Variants in CMSS1 observed in about 807,000 individuals in gnomAD.
CMSS1 encodes protein CMSS1.
CMSS1 carries 33 observed loss-of-function variants against 43.5 expected under a neutral mutation model. The observed-to-expected ratio is 0.76, with a 90% confidence interval of 0.57 to 1.01. CMSS1 has a LOEUF of 1.01. CMSS1 is among the 50% of genes least tolerant of loss of function. The probability of loss-of-function intolerance (pLI) is 0.00; values close to 1 mark genes in which losing one functional copy is unlikely to be tolerated. For missense variants in CMSS1, 313 were observed against 326.4 expected (o/e 0.96, Z 0.32); for synonymous variants, 115 against 117.2 (o/e 0.98, Z 0.12).
chr3:100,176,042 G>C (rs1173845462), intron 8 of CMSS1, among the ~76,000 whole-genome samples: 1 of 152,172 alleles, frequency 6.6e-6, no homozygotes, highest in African/African-American at 2.4e-5. Context: ...AGCCTCTGGG[G>C]CTTCATGAAA....
intron 1 of CMSS1, among the ~76,000 whole-genome samples, chr3:99,981,704 A>G (rs76841586): frequency 0.012 from 1,840 of 152,342 alleles, 23 homozygotes; most frequent in African/African-American, 0.027. Context: ...GGTTGGAATT[A>G]GTGTTTAAAC....
intron 1 of CMSS1, among the ~76,000 whole-genome samples, chr3:100,016,757 G>A (rs1468514558): frequency 4.3e-4 from 66 of 152,216 alleles, no homozygotes; most frequent in African/African-American, 1.5e-3. Context: ...TAACATTTTA[G>A]ATATGTGCAA....
At chr3:99,822,621 A>G (rs1254992496) in intron 1 of CMSS1, among the ~76,000 whole-genome samples, 1 of 152,162 alleles carries the variant, frequency 6.6e-6, no homozygotes, top group Non-Finnish European at 1.5e-5. Flanking sequence ...AATCCCAGCT[A>G]CTCAGGAGAC....
chr3:99,968,887 A>G (rs1042225645), intron 1 of CMSS1, among the ~76,000 whole-genome samples: 8 of 151,980 alleles, frequency 5.3e-5, no homozygotes, highest in African/African-American at 1.9e-4. Context: ...GTTAGCACAA[A>G]CCTCTCTTTC....
intron 1 of CMSS1, among the ~76,000 whole-genome samples, chr3:99,927,495 A>G (rs1707332126): frequency 6.6e-6 from 1 of 151,252 alleles, no homozygotes; most frequent in Non-Finnish European, 1.5e-5. Flanking sequence ...TCAGCCTCCC[A>G]AGTAGCTGGG....
intron 1 of CMSS1, among the ~76,000 whole-genome samples, chr3:100,091,362 T>C (rs2066106556): frequency 6.6e-6 from 1 of 152,144 alleles, no homozygotes. Flanking sequence ...TATGTTCACC[T>C]TCTTCTTCCA....
intron 1 of CMSS1, among the ~76,000 whole-genome samples, chr3:99,994,222 A>G (rs189950719): frequency 6.6e-6 from 1 of 152,296 alleles, no homozygotes; most frequent in East Asian, 1.9e-4. Context: ...TGTTTCCAGC[A>G]TTCAGATCAG....
chr3:99,941,289 G>A (rs1327558977), intron 1 of CMSS1, among the ~76,000 whole-genome samples: 1 of 151,994 alleles, frequency 6.6e-6, no homozygotes, highest in Non-Finnish European at 1.5e-5. Flanking sequence ...ATTAATAGTA[G>A]AAATACAGGT....
At chr3:100,029,340 G>C (rs1324845777) in intron 1 of CMSS1, among the ~76,000 whole-genome samples, 1 of 151,882 alleles carries the variant, frequency 6.6e-6, no homozygotes, top group Non-Finnish European at 1.5e-5. Flanking sequence ...TATTGATTTT[G>C]ATTATGATAA....
chr3:100,159,642 C>T (rs2067005770), intron 2 of CMSS1, among the ~76,000 whole-genome samples: 1 of 152,162 alleles, frequency 6.6e-6, no homozygotes, highest in African/African-American at 2.4e-5. Context: ...GCACAGGAAA[C>T]ATTTTATACT....
intron 1 of CMSS1, among the ~76,000 whole-genome samples, chr3:100,016,079 A>G (rs1018011070): frequency 8.5e-5 from 13 of 152,162 alleles, no homozygotes; most frequent in Admixed American, 5.2e-4. Flanking sequence ...ACAACACTTC[A>G]TTTCAGCAAG....
chr3:99,982,497 C>G (rs374810070), intron 1 of CMSS1, among the ~76,000 whole-genome samples: 2 of 152,054 alleles, frequency 1.3e-5, no homozygotes, highest in South Asian at 4.1e-4. Flanking sequence ...CATGCCACCA[C>G]GCCCAGCTAA....
intron 1 of CMSS1, among the ~76,000 whole-genome samples, chr3:99,858,807 T>C (rs2107548573): frequency 6.6e-6 from 1 of 152,348 alleles, no homozygotes; most frequent in East Asian, 1.9e-4. Flanking sequence ...TAAGAACCAT[T>C]ACTCCAGAGG....
intron 3 of CMSS1, among the ~76,000 whole-genome samples, chr3:100,160,940 G>T (rs1474672103): frequency 6.6e-6 from 1 of 152,156 alleles, no homozygotes; most frequent in Non-Finnish European, 1.5e-5. Context: ...GATGAAGGTA[G>T]TATGAGGCAC....
At chr3:99,979,124 A>G (rs1373402160) in intron 1 of CMSS1, among the ~76,000 whole-genome samples, 1 of 152,194 alleles carries the variant, frequency 6.6e-6, no homozygotes, top group African/African-American at 2.4e-5. Flanking sequence ...GAAATGATAA[A>G]TGTTTGAGGT....
At chr3:100,114,946 A>G (rs1231031057) in intron 1 of CMSS1, 2 of 1,535,022 alleles carry the variant, frequency 1.3e-6, no homozygotes, top group Non-Finnish European at 1.7e-6. Flanking sequence ...GTCACAGGAG[A>G]CACGAGGGCA....
rs111370467 is a variant in CMSS1 at position 100,149,745 on chromosome 3, G to C, written c.153+2684G>C. 8.1e-4 allele frequency among the ~76,000 whole-genome samples: 124 copies of C among 152,274 alleles called. 1 individual carries two copies. Among genetic ancestry groups the C allele is most frequent in the African/African-American group, 2.8e-3 (118 of 41,554 alleles). On this transcript the variant is annotated intron_variant, in intron 2 of 9. Transcript: ENST00000421999. ...CAGATTTTATCTGTGCGTCTCCACAGCGCCTGACATGGAACCTTGCCCTTA... is the reference window on the plus strand; with the variant it reads ...CAGATTTTATCTGTGCGTCTCCACACCGCCTGACATGGAACCTTGCCCTTA...
intron 2 of CMSS1, among the ~76,000 whole-genome samples, chr3:100,148,150 C>A (rs973677961): frequency 2.0e-5 from 3 of 152,186 alleles, no homozygotes; most frequent in Non-Finnish European, 4.4e-5. Flanking sequence ...ACAATCATGG[C>A]TTACTGCAGG....
At chr3:99,867,261 A>G (rs543669582) in intron 1 of CMSS1, among the ~76,000 whole-genome samples, 1 of 152,282 alleles carries the variant, frequency 6.6e-6, no homozygotes, top group Admixed American at 6.5e-5. Context: ...TAGTTTATCT[A>G]TGTGAGAAAT....
Sources: gnomAD v4.1 joint callset for allele counts (sites outside exome capture counted in the v4.1 genomes callset) on GRCh38, gnomAD v4.1.1 for gene constraint, MANE v1.5 for transcripts, NCBI Gene and HGNC (gene_info 2026-07-23, HGNC 2026-07-21) for gene names.